Variants in SUGCT observed in about 807,000 individuals in gnomAD.
SUGCT encodes succinyl-CoA:glutarate-CoA transferase.
Under a neutral mutation model 55.0 loss-of-function variants are expected in SUGCT, and 41 were observed. The ratio of observed to expected loss-of-function variants is 0.74; its 90% confidence interval spans 0.58 to 0.97. SUGCT has a LOEUF of 0.97. Ranked by LOEUF, SUGCT falls within the 50% of genes least tolerant of loss-of-function variation. The probability of loss-of-function intolerance (pLI) is 0.00; values close to 1 mark genes in which losing one functional copy is unlikely to be tolerated. For synonymous variants in SUGCT, 187 were observed against 200.4 expected (o/e 0.93, Z 0.56); for missense variants, 568 against 547.8 (o/e 1.04, Z -0.37).
chr7:40,325,294 A>G (rs889243051), intron 9 of SUGCT, among the ~76,000 whole-genome samples: 1 of 151,278 alleles, frequency 6.6e-6, no homozygotes, highest in Admixed American at 6.6e-5. Context: ...GTGACTTTCT[A>G]TTTATTTATT....
rs868265684 is a variant in SUGCT, at chr7:40,248,013, G to T, written c.576+10287G>T. 1.6e-3 allele frequency among the ~76,000 whole-genome samples: 195 copies of T among 122,770 alleles called. 1 individual carries two copies. Among genetic ancestry groups the T allele is most frequent in the Middle Eastern group, 4.2e-3 (1 of 238 alleles). The allele number at this position is 122,770 out of a possible 152,430, so 80.5% of individuals were successfully genotyped here. ...GTGATTCTTGTGTTTTTGTTTTTTTGTTTTTTTTTTTTTTTGAGATGGAGT... is the reference window on the plus strand; with the variant it reads ...GTGATTCTTGTGTTTTTGTTTTTTTTTTTTTTTTTTTTTTTGAGATGGAGT... On this transcript the variant is annotated intron_variant, in intron 7 of 13. Coordinates refer to ENST00000335693, the MANE Select transcript of SUGCT (RefSeq NM_001193313.2).
chr7:40,355,240 T>G (rs1040924170), intron 9 of SUGCT, among the ~76,000 whole-genome samples: 25 of 152,192 alleles, frequency 1.6e-4, no homozygotes, highest in African/African-American at 6.0e-4. Context: ...GGGTTAGGTG[T>G]CCACTCCCTT....
intron 7 of SUGCT, among the ~76,000 whole-genome samples, chr7:40,253,283 G>T (rs1242374936): frequency 6.6e-6 from 1 of 152,170 alleles, no homozygotes. Context: ...ACTACTAATT[G>T]GAGGTTCAGT....
Position 40,665,176 on chromosome 7 carries a change from G to C in SUGCT, c.1090-84258G>C, listed in dbSNP as rs1376816040. ...CGGCCAGGCTGGATGTGGTGGCTCAGGCCTGTAATCCCAGCATTTTGGGAG... is the reference window on the plus strand; with the variant it reads ...CGGCCAGGCTGGATGTGGTGGCTCACGCCTGTAATCCCAGCATTTTGGGAG... On this transcript the variant is annotated intron_variant, in intron 12 of 13. Transcript: ENST00000335693. Among the ~76,000 whole-genome samples the C allele has an allele frequency of 1.0e-3, 156 of 150,576 alleles. 1 individual carries two copies. Among genetic ancestry groups the C allele is most frequent in the African/African-American group, 3.7e-3 (150 of 40,836 alleles).
At chr7:41,002,696 A>G in the SUGCT span, among the ~76,000 whole-genome samples, 220 of 152,334 alleles carry the variant, frequency 1.4e-3, no homozygotes, top group African/African-American at 5.0e-3. Flanking sequence ...TGATAATACT[A>G]GCTGGCATGT....
chr7:40,755,979 G>T (rs773804927), intron 13 of SUGCT, among the ~76,000 whole-genome samples: 1 of 152,184 alleles, frequency 6.6e-6, no homozygotes, highest in South Asian at 2.1e-4. Context: ...GGTGTTGGAT[G>T]CAGAGACAGT....
At chr7:40,861,499 T>C (rs1430974885), downstream of SUGCT, among the ~76,000 whole-genome samples, 1 of 152,172 alleles carries the variant, frequency 6.6e-6, no homozygotes. Flanking sequence ...CCAGGTATAG[T>C]CTGGGGAATC....
intron 9 of SUGCT, among the ~76,000 whole-genome samples, chr7:40,389,135 G>T (rs992208661): frequency 1.5e-4 from 23 of 152,072 alleles, no homozygotes; most frequent in Non-Finnish European, 5.9e-5. Flanking sequence ...AGATTTCTTT[G>T]CCAAAGTAAG....
intron 13 of SUGCT, among the ~76,000 whole-genome samples, chr7:40,832,627 A>G (rs780476649): frequency 3.4e-5 from 5 of 148,130 alleles, no homozygotes; most frequent in Non-Finnish European, 7.4e-5. Context: ...GGAAGATTTC[A>G]GGCCAGATAT....
chr7:41,011,313 T>C, the SUGCT span, among the ~76,000 whole-genome samples: 1 of 152,240 alleles, frequency 6.6e-6, no homozygotes, highest in Admixed American at 6.5e-5. Context: ...GTACATCCTT[T>C]CTTTAGCCTC....
At chr7:40,746,159 A>G (rs1190159897) in intron 12 of SUGCT, among the ~76,000 whole-genome samples, 1 of 152,170 alleles carries the variant, frequency 6.6e-6, no homozygotes, top group Non-Finnish European at 1.5e-5. Context: ...TGAAAGGGTA[A>G]TGAAGCAGGA....
chr7:40,663,852 G>T (rs1007929338), intron 12 of SUGCT, among the ~76,000 whole-genome samples: 2 of 152,058 alleles, frequency 1.3e-5, no homozygotes, highest in Non-Finnish European at 2.9e-5. Context: ...ACCTTTTATG[G>T]TTTAAATTAT....
At chr7:40,343,291 G>C (rs1261700185) in intron 9 of SUGCT, among the ~76,000 whole-genome samples, 1 of 151,932 alleles carries the variant, frequency 6.6e-6, no homozygotes, top group Non-Finnish European at 1.5e-5. Context: ...TAATGTTAAT[G>C]CCATGCTAAT....
chr7:40,947,587 T>C, the SUGCT span, among the ~76,000 whole-genome samples: 1 of 152,170 alleles, frequency 6.6e-6, no homozygotes, highest in African/African-American at 2.4e-5. Flanking sequence ...ATAGCAATTC[T>C]GGAAATCTAA....
chr7:40,570,798 C>T (rs1796401523), intron 12 of SUGCT, among the ~76,000 whole-genome samples: 1 of 146,392 alleles, frequency 6.8e-6, no homozygotes, highest in Non-Finnish European at 1.5e-5. Context: ...AAGAGTAAAA[C>T]AGCGATGAGT....
At chr7:40,815,630 G>T (rs2128761738) in intron 13 of SUGCT, among the ~76,000 whole-genome samples, 1 of 152,296 alleles carries the variant, frequency 6.6e-6, no homozygotes, top group African/African-American at 2.4e-5. Flanking sequence ...GAGCAGAAAG[G>T]GCCTCTCTGC....
intron 1 of SUGCT, among the ~76,000 whole-genome samples, chr7:40,149,691 G>A (rs1788448869): frequency 6.6e-6 from 1 of 152,176 alleles, no homozygotes; most frequent in African/African-American, 2.4e-5. Context: ...GCCGAGGCAG[G>A]TGGATCACCT....
chr7:40,322,630 G>A (rs903163350), intron 9 of SUGCT, among the ~76,000 whole-genome samples: 2 of 152,118 alleles, frequency 1.3e-5, no homozygotes, highest in African/African-American at 4.8e-5. Flanking sequence ...TGCCCAAGAG[G>A]CCGGTCTTGA....
chr7:40,379,096 A>C (rs1469801073), intron 9 of SUGCT, among the ~76,000 whole-genome samples: 3 of 152,222 alleles, frequency 2.0e-5, no homozygotes, highest in Non-Finnish European at 4.4e-5. Flanking sequence ...CATTGTGCAG[A>C]AAGATTGGAG....
Sources: allele counts gnomAD v4.1 joint callset (sites outside exome capture counted in the v4.1 genomes callset), GRCh38; gene constraint gnomAD v4.1.1; transcripts MANE v1.5; gene names NCBI Gene and HGNC (gene_info 2026-07-23, HGNC 2026-07-21).